The following IPCEF1 variants were observed in gnomAD, a reference collection of about 807,000 sequenced individuals.
IPCEF1 encodes the protein interactor protein for cytohesin exchange factors 1.
Under a neutral mutation model 50.9 loss-of-function variants are expected in IPCEF1, and 31 were observed. The observed-to-expected ratio is 0.61, with a 90% CI of 0.46 to 0.82. The LOEUF is 0.82. Ranked by LOEUF, IPCEF1 falls within the 40% of genes least tolerant of loss-of-function variation. The probability of loss-of-function intolerance (pLI) is 0.00; values close to 1 mark genes in which losing one functional copy is unlikely to be tolerated. For missense variants in IPCEF1, 458 were observed against 514.0 expected (o/e 0.89, Z 1.05); for synonymous variants, 181 against 192.0 (o/e 0.94, Z 0.47).
chr6:154,185,304 C>T (rs879720765), intron 10 of IPCEF1, among the ~76,000 whole-genome samples: 5 of 152,210 alleles, frequency 3.3e-5, no homozygotes, highest in Non-Finnish European at 5.9e-5. Flanking sequence ...AGTGTTCAAA[C>T]TGCCAAGGCA....
intron 1 of IPCEF1, among the ~76,000 whole-genome samples, chr6:154,308,978 A>G (rs1429173797): frequency 2.0e-5 from 3 of 152,208 alleles, no homozygotes; most frequent in Non-Finnish European, 4.4e-5. Flanking sequence ...GTAAACATCT[A>G]CATTTGGTTT....
intron 1 of IPCEF1, among the ~76,000 whole-genome samples, chr6:154,349,357 A>AATTTT (rs150590712): frequency 1.0e-3 from 150 of 147,374 alleles, no homozygotes; most frequent in South Asian, 3.0e-3. Context: ...ACACTTAACT[A>AATTTT]ATTTTATTTT....
chr6:154,251,377 C>T (rs1342550810), intron 3 of IPCEF1, among the ~76,000 whole-genome samples: 6 of 152,182 alleles, frequency 3.9e-5, no homozygotes, highest in Middle Eastern at 3.4e-3. Context: ...TAACAAGATC[C>T]CATCTCTTAT....
intron 1 of IPCEF1, among the ~76,000 whole-genome samples, chr6:154,335,379 G>T (rs975429321): frequency 1.3e-5 from 2 of 152,148 alleles, no homozygotes; most frequent in Non-Finnish European, 2.9e-5. Flanking sequence ...CACTTTCCTT[G>T]TGTACACGTT....
rs561761559 is a variant in IPCEF1, at chr6:154,162,934, C to G, written c.1105-2894G>C. Among the ~76,000 whole-genome samples, 359 of 152,320 alleles carry G rather than the reference C, an allele frequency of 2.4e-3. 1 individual carries two copies. The highest frequency in any genetic ancestry group is 8.4e-3 in the African/African-American group (351 of 41,570). ...CCACCCCACCAACTTCCAATGCACA[C>G]CAAACCCGGTTCCTACCGTAGTCTT... On this transcript the variant is annotated intron_variant, in intron 11 of 11. Coordinates refer to ENST00000367220, the MANE Select transcript of IPCEF1 (RefSeq NM_001130700.2).
intron 1 of IPCEF1, among the ~76,000 whole-genome samples, chr6:154,315,837 GGGA>G (rs1783203655): frequency 1.3e-5 from 2 of 151,818 alleles, no homozygotes; most frequent in African/African-American, 4.8e-5. Context: ...TTTTTTGGGG[GGGA>G]GCGGTGGTGG....
chr6:154,183,259 G>A (rs9479783), intron 10 of IPCEF1, among the ~76,000 whole-genome samples: 14,491 of 152,140 alleles, frequency 0.095, 1,051 homozygotes, highest in African/African-American at 0.2. Flanking sequence ...GATTACAGGC[G>A]TGAGCCACCA....
chr6:154,306,558 G>A (rs559008388), intron 1 of IPCEF1: 1 of 152,212 alleles, frequency 6.6e-6, no homozygotes, highest in Non-Finnish European at 1.5e-5. Flanking sequence ...AAGAAACTAA[G>A]ACCCAGAGAT....
At chr6:154,345,209 C>T (rs945237264) in intron 1 of IPCEF1, among the ~76,000 whole-genome samples, 1 of 152,136 alleles carries the variant, frequency 6.6e-6, no homozygotes, top group Non-Finnish European at 1.5e-5. Context: ...GTTTTGTTGT[C>T]ACTGTAAATT....
At chr6:154,242,682 T>C (rs1422578378) in intron 5 of IPCEF1, among the ~76,000 whole-genome samples, 2 of 151,474 alleles carry the variant, frequency 1.3e-5, no homozygotes, top group Admixed American at 6.6e-5. Context: ...AGGTCAGGAG[T>C]TCGAGACTAG....
chr6:154,200,781 C>A (rs1400754458), intron 9 of IPCEF1, among the ~76,000 whole-genome samples: 1 of 152,076 alleles, frequency 6.6e-6, no homozygotes, highest in South Asian at 2.1e-4. Context: ...GAACTTAAAC[C>A]CTTGAATATC....
At chr6:154,333,574 A>T (rs1336049931) in intron 1 of IPCEF1, among the ~76,000 whole-genome samples, 2 of 151,596 alleles carry the variant, frequency 1.3e-5, no homozygotes, top group African/African-American at 2.4e-5. Flanking sequence ...ATATATACAC[A>T]CACACACATA....
intron 11 of IPCEF1, among the ~76,000 whole-genome samples, chr6:154,163,869 A>T (rs975281361): frequency 2.6e-5 from 4 of 152,220 alleles, no homozygotes; most frequent in Admixed American, 1.3e-4. Flanking sequence ...GAAGATAGAC[A>T]TATAGATGGA....
chr6:154,180,487 A>T (rs1315969660), intron 10 of IPCEF1, among the ~76,000 whole-genome samples: 1 of 151,454 alleles, frequency 6.6e-6, no homozygotes, highest in Non-Finnish European at 1.5e-5. Context: ...GCCAACAGTT[A>T]TAAGTTCACT....
intron 2 of IPCEF1, among the ~76,000 whole-genome samples, chr6:154,288,277 A>T (rs1206202219): frequency 6.6e-6 from 1 of 152,258 alleles, no homozygotes; most frequent in Non-Finnish European, 1.5e-5. Flanking sequence ...CATAGAAAAT[A>T]ATAGCATTTA....
At chr6:154,274,938 G>A (rs528438175) in intron 2 of IPCEF1, among the ~76,000 whole-genome samples, 207 of 152,328 alleles carry the variant, frequency 1.4e-3, no homozygotes, top group African/African-American at 4.7e-3. Context: ...CACCTGCCTG[G>A]AGAGTAGTTG....
intron 1 of IPCEF1, among the ~76,000 whole-genome samples, chr6:154,323,871 T>G (rs908552442): frequency 6.6e-6 from 1 of 152,228 alleles, no homozygotes; most frequent in Non-Finnish European, 1.5e-5. Flanking sequence ...GAGAATCGTT[T>G]GAATCCAGGA....
At position 154,157,125 on chromosome 6, in the gene IPCEF1, A is replaced by G. The variant is rs1798748656; in HGVS notation, c.*2703T>C. 1 of 152,208 alleles carries G rather than the reference A, an allele frequency of 6.6e-6. No homozygotes were observed. Among genetic ancestry groups the G allele is most frequent in the South Asian group, 2.1e-4 (1 of 4,830 alleles). The allele number at this position is 152,208 out of a possible 1,614,324, so 9.4% of individuals were successfully genotyped here. A position where few individuals can be genotyped will look rare whatever the true frequency, so the allele number is the denominator to read the frequency against. On this transcript the variant is annotated 3_prime_UTR_variant, in exon 12 of 12. Transcript: ENST00000367220. ...CTGAAAGTAATCCAGTTTTCCCAAT[A>G]TTCTTTGGACCAGAAAAGTGGCTTG... is the stretch of plus-strand genomic sequence containing the variant.
chr6:154,304,756 C>A (rs1270436596), intron 1 of IPCEF1, among the ~76,000 whole-genome samples: 1 of 152,104 alleles, frequency 6.6e-6, no homozygotes, highest in Non-Finnish European at 1.5e-5. Context: ...GCCTGTATCT[C>A]CAGTTTGGAA....
Sources: allele counts gnomAD v4.1 joint callset (sites outside exome capture counted in the v4.1 genomes callset), GRCh38; gene constraint gnomAD v4.1.1; transcripts MANE v1.5; gene names NCBI Gene and HGNC (gene_info 2026-07-23, HGNC 2026-07-21).